The following IGSF11 variants were observed in gnomAD, a reference collection of about 807,000 sequenced individuals.
IGSF11 encodes the protein CXADR like 1.
A neutral mutation model predicts 41.0 loss-of-function variants in IGSF11; 22 were observed. The observed-to-expected ratio is 0.54, with a 90% CI of 0.38 to 0.77. The LOEUF is 0.77. Ranked by LOEUF, IGSF11 falls within the 30% of genes least tolerant of loss-of-function variation. The pLI is 0.00. For synonymous variants in IGSF11, 219 were observed against 201.3 expected (o/e 1.09, Z -0.74); for missense variants, 444 against 530.8 (o/e 0.84, Z 1.61).
intron 4 of IGSF11, among the ~76,000 whole-genome samples, chr3:118,908,929 T>A (rs1939931677): frequency 6.6e-6 from 1 of 152,214 alleles, no homozygotes; most frequent in African/African-American, 2.4e-5. Flanking sequence ...CTGTTCTTCA[T>A]CTATATTTTA....
chr3:118,955,872 T>C (rs188324001), intron 1 of IGSF11, among the ~76,000 whole-genome samples: 64 of 152,300 alleles, frequency 4.2e-4, no homozygotes, highest in African/African-American at 1.5e-3. Flanking sequence ...GATCCAGTCA[T>C]TGACTTCTCT....
intron 1 of IGSF11, among the ~76,000 whole-genome samples, chr3:119,055,355 G>A (rs1375553014): frequency 6.6e-6 from 1 of 152,116 alleles, no homozygotes; most frequent in Non-Finnish European, 1.5e-5. Flanking sequence ...GAGAGAAGAA[G>A]GCTAAAAGAG....
intron 1 of IGSF11, among the ~76,000 whole-genome samples, chr3:119,129,883 G>A (rs1306221391): frequency 6.6e-6 from 1 of 152,146 alleles, no homozygotes; most frequent in Non-Finnish European, 1.5e-5. Context: ...TACTCAGGGA[G>A]CTGAGGTGAG....
intron 1 of IGSF11, among the ~76,000 whole-genome samples, chr3:118,964,042 T>C (rs1945510653): frequency 1.3e-5 from 2 of 152,278 alleles, no homozygotes; most frequent in South Asian, 2.1e-4. Flanking sequence ...TTCAACCTTC[T>C]ATACCTTACT....
At chr3:119,085,476 G>A (rs373821221) in intron 1 of IGSF11, among the ~76,000 whole-genome samples, 3 of 152,142 alleles carry the variant, frequency 2.0e-5, no homozygotes, top group African/African-American at 7.2e-5. Flanking sequence ...AATTCAAAAA[G>A]CCAGAGTGTC....
intron 1 of IGSF11, among the ~76,000 whole-genome samples, chr3:118,999,589 G>T (rs1936608170): frequency 6.6e-6 from 1 of 152,100 alleles, no homozygotes; most frequent in Non-Finnish European, 1.5e-5. Context: ...ATCCTTGTAA[G>T]TGACTGAGCA....
At position 118,996,899 on chromosome 3, in the gene IGSF11, G is replaced by A. The variant is rs529537559; in HGVS notation, c.52+37632C>T. The stretch of plus-strand genomic sequence containing the variant: ...CAGGCGTGAGCCACCGCGCCTGGCC[G>A]AGAACATGTCTTGTTTTATTCATCT... On this transcript the variant is annotated intron_variant, in intron 1 of 6. Coordinates refer to ENST00000393775, the MANE Select transcript of IGSF11 (RefSeq NM_001015887.3). Among the ~76,000 whole-genome samples, 33 of 152,124 alleles carry A rather than the reference G, an allele frequency of 2.2e-4. 2 individuals carry two copies. In the East Asian group the frequency reaches 4.1e-3, roughly 19 times the overall value.
upstream of IGSF11, among the ~76,000 whole-genome samples, chr3:119,038,133 C>T (rs188593419): frequency 3.9e-5 from 6 of 152,160 alleles, no homozygotes; most frequent in South Asian, 6.2e-4. Flanking sequence ...CCCCCTCCCC[C>T]TTTGCAAAAT....
intron 1 of IGSF11, among the ~76,000 whole-genome samples, chr3:118,972,208 A>C (rs753473170): frequency 7.2e-5 from 11 of 152,214 alleles, no homozygotes; most frequent in Non-Finnish European, 1.5e-4. Flanking sequence ...AATGGCGAGA[A>C]CTAAATGGCT....
intron 1 of IGSF11, among the ~76,000 whole-genome samples, chr3:119,083,859 T>A (rs772769740): frequency 5.3e-5 from 8 of 152,214 alleles, no homozygotes; most frequent in Non-Finnish European, 1.0e-4. Flanking sequence ...ATACTCCTTC[T>A]ATTTATTTTT....
At chr3:118,903,075 G>A (rs1939114318) in intron 6 of IGSF11, 114 bp from the exon 7 acceptor site, 2 of 967,020 alleles carry the variant, frequency 2.1e-6, no homozygotes, top group Non-Finnish European at 3.0e-6. Flanking sequence ...AACAAATCCA[G>A]GAGAGACTAC....
intron 1 of IGSF11, among the ~76,000 whole-genome samples, chr3:119,001,680 T>C (rs1936886498): frequency 7.0e-6 from 1 of 143,334 alleles, no homozygotes. Context: ...GTCCATGTGA[T>C]CTCATTGTTC....
chr3:119,047,964 G>A (rs538512888), intron 1 of IGSF11, among the ~76,000 whole-genome samples: 1 of 152,054 alleles, frequency 6.6e-6, no homozygotes, highest in African/African-American at 2.4e-5. Flanking sequence ...ACAAAGACAT[G>A]ACATACCAGA....
chr3:119,131,712 T>C (rs2077484403), intron 1 of IGSF11, among the ~76,000 whole-genome samples: 1 of 152,048 alleles, frequency 6.6e-6, no homozygotes, highest in Non-Finnish European at 1.5e-5. Flanking sequence ...ACCACAAAGA[T>C]ACTCCTCAAG....
rs531011446 is a variant in IGSF11 at position 119,137,454 on chromosome 3, G to A, written c.-14+8359C>T. ...AATTCATTTTTGACAAAGTTTCCAA[G>A]AACATACATTGCGGAAAGGACAGTC... On this transcript the variant is annotated intron_variant, in intron 1 of 7. Coordinates refer to the IGSF11 transcript ENST00000425327. Among the ~76,000 whole-genome samples the A allele has an allele frequency of 7.2e-5, 11 of 152,198 alleles. No individual in the cohort carries two copies. In the South Asian group the frequency reaches 8.3e-4, roughly 11 times the overall value.
At chr3:119,099,577 G>A (rs1453314750) in intron 1 of IGSF11, among the ~76,000 whole-genome samples, 1 of 152,128 alleles carries the variant, frequency 6.6e-6, no homozygotes, top group Non-Finnish European at 1.5e-5. Context: ...ATGGAAAAAG[G>A]TAAACTACTA....
chr3:119,054,672 A>T (rs980224956), intron 1 of IGSF11, among the ~76,000 whole-genome samples: 1 of 152,236 alleles, frequency 6.6e-6, no homozygotes, highest in African/African-American at 2.4e-5. Context: ...CAGCAATCCT[A>T]CTACTGGTTA....
Position 119,049,357 on chromosome 3 carries a change from GACAA to G in IGSF11, c.49+55783_49+55786del, listed in dbSNP as rs547098795. Among the ~76,000 whole-genome samples, 1,057 of 152,002 alleles carry G rather than the reference GACAA, an allele frequency of 7.0e-3. 6 individuals carry two copies. Among genetic ancestry groups the G allele is most frequent in the Middle Eastern group, 0.02 (6 of 294 alleles). ...CAAGCATTCCTATACACCAATAACA[GACAA>G]ACAGAGAGCCAAATCATGAGTGAAC... On this transcript the variant is annotated intron_variant, in intron 1 of 6. Coordinates refer to the IGSF11 transcript ENST00000354673.
chr3:118,965,533 T>TA (rs34598990), intron 1 of IGSF11, among the ~76,000 whole-genome samples: 29,361 of 143,900 alleles, frequency 0.2, 2,859 homozygotes, highest in Middle Eastern at 0.26. Flanking sequence ...CAGATAGAGG[T>TA]AAAAAAAAAA....
Sources: gnomAD v4.1 joint callset for allele counts (sites outside exome capture counted in the v4.1 genomes callset) on GRCh38, gnomAD v4.1.1 for gene constraint, MANE v1.5 for transcripts, NCBI Gene and HGNC (gene_info 2026-07-23, HGNC 2026-07-21) for gene names.